The following PCSK6 variants were observed in gnomAD, a reference collection of about 807,000 sequenced individuals.
The protein encoded by PCSK6 is paired basic amino acid cleaving enzyme 4.
Under a neutral mutation model 123.3 loss-of-function variants are expected in PCSK6, and 85 were observed. The ratio of observed to expected loss-of-function variants is 0.69; its 90% CI spans 0.58 to 0.83. The LOEUF (loss-of-function observed/expected upper bound fraction) is 0.83. Ranked by LOEUF, PCSK6 falls within the 40% of genes least tolerant of loss-of-function variation. The pLI is 0.00. For missense variants in PCSK6, 1,191 were observed against 1,282.3 expected (o/e 0.93, Z 1.09); for synonymous variants, 508 against 516.0 (o/e 0.98, Z 0.21).
chr15:101,428,154 A>G (rs1320959368), intron 5 of PCSK6, among the ~76,000 whole-genome samples, 174 bp from the exon 6 acceptor site: 1 of 152,220 alleles, frequency 6.6e-6, no homozygotes, highest in Non-Finnish European at 1.5e-5. Context: ...AGAAGGCACC[A>G]AGTCAGCCTG....
intron 13 of PCSK6, among the ~76,000 whole-genome samples, chr15:101,348,707 T>C (rs989545295): frequency 6.6e-6 from 1 of 152,178 alleles, no homozygotes; most frequent in African/African-American, 2.4e-5. Flanking sequence ...CCCAGGCCCG[T>C]TGAAGTAGAC....
chr15:101,472,214 T>C (rs1419328703), intron 1 of PCSK6, among the ~76,000 whole-genome samples: 2 of 152,202 alleles, frequency 1.3e-5, no homozygotes, highest in Non-Finnish European at 2.9e-5. Flanking sequence ...CCAGGTGGCC[T>C]GGCCACAGCA....
intron 1 of PCSK6, chr15:101,463,020 C>T (rs2057373447): frequency 2.2e-6 from 1 of 460,530 alleles, no homozygotes; most frequent in Non-Finnish European, 4.4e-6. Context: ...AGAGTTGTCT[C>T]TGCAGATGGT....
At chr15:101,486,048 C>A (rs2058014795) in intron 1 of PCSK6, among the ~76,000 whole-genome samples, 1 of 150,478 alleles carries the variant, frequency 6.6e-6, no homozygotes, top group Non-Finnish European at 1.5e-5. Flanking sequence ...ACTGCAACCT[C>A]CGCCTCCCAG....
Position 101,382,117 on chromosome 15 carries a change from C to T in PCSK6, c.1507G>A (p.Val503Met), listed in dbSNP as rs770089107. The change falls in exon 11 of 22, where the codon GTG (valine) becomes ATG (methionine). Residue 503 changes from valine to methionine, a missense_variant. Val to Met is a conservative substitution (Grantham distance 21). Coordinates refer to ENST00000611716, the MANE Select transcript of PCSK6 (RefSeq NM_002570.5). ...CTGGGTCTCTTGTCCGAGGCGGCCA[C>T]ACACATGTGCTGCGATGGCACTGCT... ...WTAVPSQHMCVAASDKRPRSI... is the reference protein window; with the variant it reads ...WTAVPSQHMCMAASDKRPRSI... The T allele has an allele frequency of 7.5e-6, 12 of 1,610,496 alleles. No homozygotes were observed. The South Asian group carries it at 1.0e-4, about 13-fold the overall frequency.
chr15:101,444,299 G>C (rs2056831945), intron 1 of PCSK6, among the ~76,000 whole-genome samples: 1 of 152,088 alleles, frequency 6.6e-6, no homozygotes, highest in African/African-American at 2.4e-5. Context: ...CCAGCCCCTG[G>C]CCTTCAAGAA....
In PCSK6 at chr15:101,398,026, G is replaced by T. The variant is rs3784469; in HGVS notation, c.996+378C>A. On this transcript the variant is annotated intron_variant, in intron 7 of 21. Coordinates refer to ENST00000611716, the MANE Select transcript of PCSK6 (RefSeq NM_002570.5). This position sits in a 1 kb window ranked among gnomAD's most constrained non-coding sequence, Gnocchi z 4.6. ...AGTTCCACAGCTGGGTGTTTCTAAG[G>T]GCAGGTGGGCCGAGGCCCCTGCAGA... 1.3e-5 allele frequency among the ~76,000 whole-genome samples: 2 copies of T among 152,026 alleles called. No individual in the cohort carries two copies. Among genetic ancestry groups the T allele is most frequent in the Admixed American group, 6.5e-5 (1 of 15,278 alleles).
At chr15:101,450,109 G>C (rs748672190) in intron 1 of PCSK6, among the ~76,000 whole-genome samples, 1 of 152,048 alleles carries the variant, frequency 6.6e-6, no homozygotes, top group African/African-American at 2.4e-5. Context: ...CTTCCCAAAG[G>C]GGGCTCTTAA....
intron 2 of PCSK6, among the ~76,000 whole-genome samples, chr15:101,443,330 C>T (rs1200241918): frequency 6.6e-6 from 1 of 152,168 alleles, no homozygotes; most frequent in Non-Finnish European, 1.5e-5. Context: ...ATATATGTAT[C>T]TCCTGTGAGT....
At chr15:101,387,971 T>C (rs1274122522) in intron 9 of PCSK6, among the ~76,000 whole-genome samples, 1 of 152,230 alleles carries the variant, frequency 6.6e-6, no homozygotes, top group Non-Finnish European at 1.5e-5. Flanking sequence ...CCTGTATGTG[T>C]CTGAGGAGGA....
intron 19 of PCSK6, among the ~76,000 whole-genome samples, chr15:101,317,363 C>T (rs1005353787): frequency 2.0e-5 from 3 of 152,206 alleles, no homozygotes; most frequent in Non-Finnish European, 4.4e-5. Context: ...TGCACTTCAA[C>T]TTACTGTGCA....
chr15:101,472,146 G>A (rs889145263), intron 1 of PCSK6, among the ~76,000 whole-genome samples: 1 of 152,230 alleles, frequency 6.6e-6, no homozygotes, highest in Non-Finnish European at 1.5e-5. Context: ...AGGCAGACCA[G>A]AGACATGCTC....
In PCSK6 at chr15:101,429,978, G is replaced by A; in HGVS notation, c.734+9C>T. ...AGAGAAGCCGGGGAGATGAGGCGAGGTGACGTACTTATTTTCATTGCTGGC... is the reference window on the plus strand; with the variant it reads ...AGAGAAGCCGGGGAGATGAGGCGAGATGACGTACTTATTTTCATTGCTGGC... On this transcript the variant is annotated intron_variant, in intron 5 of 21. Transcript: ENST00000611716. The A allele has an allele frequency of 6.2e-7, 1 of 1,608,684 alleles. No individual in the cohort carries two copies. Among genetic ancestry groups the A allele is most frequent in the Non-Finnish European group, 8.5e-7 (1 of 1,175,076 alleles).
At chr15:101,412,691 T>TTTATATATATATATATATATATATATA (rs772007096) in intron 6 of PCSK6, among the ~76,000 whole-genome samples, 1 of 124,744 alleles carries the variant, frequency 8.0e-6, no homozygotes, top group African/African-American at 3.5e-5. Context: ...AACTGGAAAA[T>TTTATATATATATATATATATATATATA]TATATATATA....
chr15:101,460,279 C>G (rs951920655), intron 1 of PCSK6, among the ~76,000 whole-genome samples: 1 of 152,216 alleles, frequency 6.6e-6, no homozygotes, highest in African/African-American at 2.4e-5. Flanking sequence ...TGGTCCCTGC[C>G]CCAGCCTTTT....
chr15:101,409,920 C>T (rs2042897963), intron 6 of PCSK6, among the ~76,000 whole-genome samples: 1 of 151,996 alleles, frequency 6.6e-6, no homozygotes, highest in Non-Finnish European at 1.5e-5. Flanking sequence ...CTGGGAGGGG[C>T]CTTCACACTT....
At chr15:101,356,251 C>T (rs184238891) in intron 13 of PCSK6, among the ~76,000 whole-genome samples, 60 of 151,464 alleles carry the variant, frequency 4.0e-4, no homozygotes, top group African/African-American at 9.1e-4. Context: ...CTGTGCGTAA[C>T]GGCTGGAGTA....
At chr15:101,343,228 G>C (rs2040658825) in intron 13 of PCSK6, among the ~76,000 whole-genome samples, 1 of 151,574 alleles carries the variant, frequency 6.6e-6, no homozygotes, top group Non-Finnish European at 1.5e-5. Context: ...TTTCTTTCCT[G>C]AAATCATATA....
chr15:101,438,930 C>T (rs910535818), intron 2 of PCSK6, among the ~76,000 whole-genome samples: 1 of 152,192 alleles, frequency 6.6e-6, no homozygotes, highest in African/African-American at 2.4e-5. Context: ...AGGTGGGGAG[C>T]CGTCTGTGCA....
Sources: allele counts gnomAD v4.1 joint callset (sites outside exome capture counted in the v4.1 genomes callset), GRCh38; gene constraint gnomAD v4.1.1; non-coding constraint Gnocchi (gnomAD v3.1); transcripts MANE v1.5; gene names NCBI Gene and HGNC (gene_info 2026-07-23, HGNC 2026-07-21).